Variants in RDH13 observed in about 807,000 individuals in gnomAD.
RDH13 encodes retinol dehydrogenase 13, also known as retinol dehydrogenase 13 (all-trans and 9-cis).
In RDH13, 35 loss-of-function variants were observed where a neutral mutation model predicts 28.3. The ratio of observed to expected loss-of-function variants is 1.24; its 90% CI spans 0.95 to 1.64. The LOEUF (loss-of-function observed/expected upper bound fraction) is 1.64, where lower values mean the gene tolerates loss of function less well. RDH13 is among the 40% of genes most tolerant of loss of function. The pLI, the probability that RDH13 is intolerant of heterozygous loss-of-function variation, is 0.00. For synonymous variants in RDH13, 229 were observed against 198.5 expected (o/e 1.15, Z -1.29); for missense variants, 514 against 446.3 (o/e 1.15, Z -1.37).
downstream of RDH13, among the ~76,000 whole-genome samples, chr19:55,043,860 C>T (rs963036863): frequency 6.6e-6 from 1 of 151,988 alleles, no homozygotes; most frequent in Non-Finnish European, 1.5e-5. Flanking sequence ...GATGCCCGGA[C>T]TTAAACGGTT....
chr19:55,042,660 G>A (rs2075069727), downstream of RDH13: 1 of 152,080 alleles, frequency 6.6e-6, no homozygotes, highest in Admixed American at 6.6e-5. Flanking sequence ...GCATGCTTAG[G>A]GTAGTCTTCC....
chr19:55,047,967 T>A (rs2075293145), intron 5 of RDH13: 2 of 1,093,504 alleles, frequency 1.8e-6, no homozygotes, highest in Non-Finnish European at 1.2e-6. Context: ...CAGAGCAATC[T>A]CTCCCCAAGC....
chr19:55,048,872 C>T (rs900678940), intron 3 of RDH13, 109 bp from the exon 4 acceptor site: 13 of 986,066 alleles, frequency 1.3e-5, no homozygotes, highest in African/African-American at 3.2e-5. Context: ...TGGCCTGTGC[C>T]GGAAACAGGG....
intron 1 of RDH13, among the ~76,000 whole-genome samples, chr19:55,060,316 CCTTGTTATT>C (rs1398770152): frequency 6.6e-6 from 1 of 152,166 alleles, no homozygotes; most frequent in African/African-American, 2.4e-5. Flanking sequence ...AGCAATGCTG[CCTTGTTATT>C]CTTTACTCCG....
At chr19:55,052,542 TAAAA>T (rs35692980) in intron 3 of RDH13, among the ~76,000 whole-genome samples, 2 of 132,434 alleles carry the variant, frequency 1.5e-5, no homozygotes, top group African/African-American at 2.7e-5. Context: ...AACTCCGTCT[TAAAA>T]AAAAAAAAAA....
At position 55,048,063 on chromosome 19, in the gene RDH13, C is replaced by CTGAG. The variant is rs747987635; in HGVS notation, c.658+262_658+265dup. On this transcript the variant is annotated intron_variant, in intron 5 of 6. Coordinates refer to ENST00000415061, the MANE Select transcript of RDH13 (RefSeq NM_001145971.2). ...AGACTCACTGGCTGGAGCCAAAAGG[C>CTGAG]TGAGCTGCCTGCCCAACAGCAGCAG... 4.7e-5 allele frequency: 69 copies of CTGAG among 1,479,612 alleles called. No homozygotes were observed. The East Asian group carries it at 6.1e-4, about 13-fold the overall frequency. 91.7% of individuals were successfully genotyped at this position (1,479,612 alleles called of 1,614,324 possible). A position where few individuals can be genotyped will look rare whatever the true frequency, so the allele number is the denominator to read the frequency against.
intron 2 of RDH13, 145 bp downstream of exon 2, chr19:55,059,012 C>T (rs2075725947): frequency 1.6e-6 from 1 of 635,724 alleles, no homozygotes; most frequent in Admixed American, 2.6e-5. Context: ...AATCATATGC[C>T]CCTGTCTATA....
Position 55,059,140 on chromosome 19 carries a change from A to G in RDH13, c.184+17T>C. 1 of 1,498,568 alleles carries G rather than the reference A, an allele frequency of 6.7e-7. No homozygotes were observed. The highest frequency in any genetic ancestry group is 2.4e-5 in the East Asian group (1 of 42,092). The allele number at this position is 1,498,568 out of a possible 1,614,324, so 92.8% of individuals were successfully genotyped here. A position where few individuals can be genotyped will look rare whatever the true frequency, so the allele number is the denominator to read the frequency against. ...GTACAGATATCTCTCTGAGAGCCAA[A>G]GCAGGGGAGATTTTACCTCTCCTGG... On this transcript the variant is annotated intron_variant, in intron 2 of 6. Transcript: ENST00000415061.
chr19:55,046,368 T>G (rs2075232620), intron 6 of RDH13: 1 of 151,228 alleles, frequency 6.6e-6, no homozygotes, highest in Non-Finnish European at 1.5e-5. Flanking sequence ...GTTCAAGCGA[T>G]TCTCCTGCCT....
intron 2 of RDH13, among the ~76,000 whole-genome samples, chr19:55,058,611 C>A (rs2075711306): frequency 6.6e-6 from 1 of 152,168 alleles, no homozygotes; most frequent in Non-Finnish European, 1.5e-5. Context: ...ATTTGCTCTT[C>A]TGTCGACTGG....
intron 3 of RDH13, among the ~76,000 whole-genome samples, chr19:55,053,088 G>A (rs2124090): frequency 3.9e-5 from 6 of 151,948 alleles, no homozygotes; most frequent in Admixed American, 6.6e-5. Flanking sequence ...CTTTCTAGTC[G>A]GGAGCTGGGA....
chr19:55,042,464 T>C (rs1179762636), downstream of RDH13: 1 of 152,202 alleles, frequency 6.6e-6, no homozygotes, highest in African/African-American at 2.4e-5. Context: ...CTGGCCACTG[T>C]TATGTAGTTT....
chr19:55,048,291 G>A (rs371917994), intron 5 of RDH13, 38 bp downstream of exon 5: 34 of 1,612,184 alleles, frequency 2.1e-5, no homozygotes, highest in Middle Eastern at 1.6e-4. Context: ...TAGGCTCAGA[G>A]TAAAGCAAGA....
At position 55,047,423 on chromosome 19, in the gene RDH13, C is replaced by T; in HGVS notation, c.724G>A (p.Gly242Ser). 1.9e-6 allele frequency: 3 copies of T among 1,611,794 alleles called. No homozygotes were observed. The highest frequency in any genetic ancestry group is 1.7e-6 in the Non-Finnish European group (2 of 1,179,938). Residue 242 changes from glycine (G) to serine (S), a missense_variant, in exon 6 of 7, where the codon GGC becomes AGC. Physicochemically the swap from Gly to Ser is moderately conservative, Grantham distance 56 (BLOSUM62 0). Coordinates refer to ENST00000415061, the MANE Select transcript of RDH13 (RefSeq NM_001145971.2). ...VARTELGRHT[G>S]IHGSTFSSTT... The stretch of plus-strand genomic sequence containing the variant: ...CTGGAGAAGGTGGAGCCATGGATGC[C>T]CGTGTGTCTGCCCAGCTCTGTCCTG...
intron 3 of RDH13, 148 bp downstream of exon 3, chr19:55,056,505 C>T (rs1428706551): frequency 1.1e-6 from 1 of 905,126 alleles, no homozygotes; most frequent in African/African-American, 1.7e-5. Flanking sequence ...GCAGGCTGTA[C>T]AAAAAAAGGC....
At chr19:55,065,904 G>A (rs1278854036), upstream of RDH13, among the ~76,000 whole-genome samples, 2 of 152,148 alleles carry the variant, frequency 1.3e-5, no homozygotes, top group Non-Finnish European at 2.9e-5. Flanking sequence ...TTTTAGTAGA[G>A]ACGGGGTTTC....
upstream of RDH13, chr19:55,067,158 A>C (rs2075977045): frequency 6.6e-6 from 1 of 152,446 alleles, no homozygotes; most frequent in Non-Finnish European, 1.5e-5. Flanking sequence ...AAAGAAGAGA[A>C]GAAGGGAGGG....
At position 55,059,593 on chromosome 19, in the gene RDH13, G is replaced by A. The variant is rs563971407; in HGVS notation, c.66-318C>T. ...AGGCCAAAGTTTTGGGGGTGGGGGG[G>A]GGCGGGGGCGGATCACTTGAGGTCA... On this transcript the variant is annotated intron_variant, in intron 1 of 6. Coordinates refer to ENST00000415061, the MANE Select transcript of RDH13 (RefSeq NM_001145971.2). 1.2e-3 allele frequency among the ~76,000 whole-genome samples: 174 copies of A among 147,994 alleles called. 2 individuals carry two copies. The highest frequency in any genetic ancestry group is 6.1e-3 in the South Asian group (29 of 4,760).
At chr19:55,057,800 T>C (rs928291388) in intron 2 of RDH13, among the ~76,000 whole-genome samples, 1 of 135,602 alleles carries the variant, frequency 7.4e-6, no homozygotes, top group Non-Finnish European at 1.6e-5. Flanking sequence ...CCCTTTTCTT[T>C]TTGTTTATTA....
Sources: allele counts gnomAD v4.1 joint callset (sites outside exome capture counted in the v4.1 genomes callset), GRCh38; gene constraint gnomAD v4.1.1; transcripts MANE v1.5; gene names NCBI Gene and HGNC (gene_info 2026-07-23, HGNC 2026-07-21).